The following HS6ST3 variants were observed in gnomAD, a reference collection of about 807,000 sequenced individuals.
The protein encoded by HS6ST3 is heparan-sulfate 6-O-sulfotransferase 3.
In HS6ST3, 12 loss-of-function variants were observed where a neutral mutation model predicts 36.7. The observed-to-expected ratio is 0.33, with a 90% CI of 0.21 to 0.53. The LOEUF is 0.53. Ranked by LOEUF, HS6ST3 falls within the 20% of genes least tolerant of loss-of-function variation. The probability of loss-of-function intolerance (pLI) is 0.95; values close to 1 mark genes in which losing one functional copy is unlikely to be tolerated. For synonymous variants in HS6ST3, 240 were observed against 257.5 expected (o/e 0.93, Z 0.65); for missense variants, 584 against 640.9 (o/e 0.91, Z 0.96).
intron 1 of HS6ST3, among the ~76,000 whole-genome samples, chr13:96,501,513 A>T (rs1399188284): frequency 1.3e-5 from 2 of 152,130 alleles, no homozygotes; most frequent in Non-Finnish European, 2.9e-5. Flanking sequence ...CTGTAAATGG[A>T]GATAATAGTA....
intron 1 of HS6ST3, among the ~76,000 whole-genome samples, chr13:96,519,051 T>A (rs2056083436): frequency 6.6e-6 from 1 of 152,224 alleles, no homozygotes; most frequent in Admixed American, 6.5e-5. Flanking sequence ...ATTTTACCAA[T>A]TTTTATTGGT....
chr13:96,591,681 C>T (rs1477701672), intron 1 of HS6ST3, among the ~76,000 whole-genome samples: 2 of 151,978 alleles, frequency 1.3e-5, no homozygotes, highest in African/African-American at 4.8e-5. Context: ...AACTGGATGC[C>T]CTTTATATCT....
chr13:96,583,775 C>G (rs1236621006), intron 1 of HS6ST3, among the ~76,000 whole-genome samples: 6 of 152,026 alleles, frequency 3.9e-5, no homozygotes, highest in African/African-American at 1.4e-4. Context: ...AGTCTTAACT[C>G]CAATGAGACC....
intron 1 of HS6ST3, among the ~76,000 whole-genome samples, chr13:96,165,179 G>T (rs1318275059): frequency 1.3e-5 from 2 of 152,090 alleles, no homozygotes; most frequent in Non-Finnish European, 2.9e-5. Context: ...TATTTTAGGG[G>T]GAATGTGAGC....
chr13:96,382,159 C>A (rs2055344757), intron 1 of HS6ST3, among the ~76,000 whole-genome samples: 1 of 152,120 alleles, frequency 6.6e-6, no homozygotes, highest in African/African-American at 2.4e-5. Flanking sequence ...TGCTAGAGGA[C>A]CTTGTCAATG....
chr13:96,367,218 A>G (rs545472510), intron 1 of HS6ST3, among the ~76,000 whole-genome samples: 1 of 152,366 alleles, frequency 6.6e-6, no homozygotes, highest in South Asian at 2.1e-4. Context: ...GTAAACGGAA[A>G]GCTGATATAA....
intron 1 of HS6ST3, among the ~76,000 whole-genome samples, chr13:96,288,991 C>G (rs2054816911): frequency 6.6e-6 from 1 of 151,864 alleles, no homozygotes; most frequent in Admixed American, 6.6e-5. Flanking sequence ...AATATTCAAG[C>G]TTTCTTTATA....
intron 1 of HS6ST3, among the ~76,000 whole-genome samples, chr13:96,798,409 T>C (rs533302273): frequency 2.0e-5 from 3 of 152,208 alleles, no homozygotes; most frequent in South Asian, 2.1e-4. Context: ...CCAGCTCCCA[T>C]CTTGAAGCTA....
chr13:96,521,958 G>T (rs982604930), intron 1 of HS6ST3, among the ~76,000 whole-genome samples: 4 of 151,998 alleles, frequency 2.6e-5, no homozygotes, highest in Non-Finnish European at 5.9e-5. Flanking sequence ...GTCGATTTTC[G>T]ATCTCTCCTG....
chr13:96,318,292 GAGGCTGAGGCA>G (rs1213314944), intron 1 of HS6ST3, among the ~76,000 whole-genome samples: 1 of 152,186 alleles, frequency 6.6e-6, no homozygotes, highest in Non-Finnish European at 1.5e-5. Context: ...AGCACTTTGG[GAGGCTGAGGCA>G]GGTGGATCAC....
At chr13:96,593,179 T>TC (rs2056389382) in intron 1 of HS6ST3, among the ~76,000 whole-genome samples, 1 of 87,302 alleles carries the variant, frequency 1.1e-5, no homozygotes, top group African/African-American at 4.8e-5. Flanking sequence ...TCTTTCTTTT[T>TC]TTTTTTTTTT....
chr13:96,133,842 TG>T (rs1483554073), intron 1 of HS6ST3, among the ~76,000 whole-genome samples: 5 of 55,696 alleles, frequency 9.0e-5, no homozygotes, highest in African/African-American at 1.7e-4. Context: ...TGAGCTTTTA[TG>T]TTTTTTTTTT....
intron 1 of HS6ST3, among the ~76,000 whole-genome samples, chr13:96,510,709 T>A (rs886117152): frequency 6.6e-6 from 1 of 151,696 alleles, no homozygotes; most frequent in African/African-American, 2.4e-5. Context: ...TTTAAAAAAA[T>A]TATTATTAAC....
chr13:96,269,516 A>G (rs1321818576), intron 1 of HS6ST3, among the ~76,000 whole-genome samples: 1 of 151,968 alleles, frequency 6.6e-6, no homozygotes, highest in Non-Finnish European at 1.5e-5. Context: ...CTTTCCATGA[A>G]ACGTGCACTT....
chr13:96,482,373 T>G (rs925224705), intron 1 of HS6ST3, among the ~76,000 whole-genome samples: 4 of 152,196 alleles, frequency 2.6e-5, no homozygotes, highest in African/African-American at 9.6e-5. Flanking sequence ...ATCTGCCTCC[T>G]TGAAACCAAA....
rs1247913476 is a variant in HS6ST3, at chr13:96,471,863, T to C, written c.708-360627T>C. 2.6e-5 allele frequency among the ~76,000 whole-genome samples: 4 copies of C among 152,330 alleles called. No individual in the cohort carries two copies. In the East Asian group the frequency reaches 7.7e-4, roughly 29 times the overall value. ...CAATACTCCAGATCTCAGGGACTTA[T>C]AACAACATGCATCTATTTTTCTTGT... On this transcript the variant is annotated intron_variant, in intron 1 of 1. Transcript: ENST00000376705.
intron 1 of HS6ST3, among the ~76,000 whole-genome samples, chr13:96,459,540 G>A (rs1277637897): frequency 6.6e-6 from 1 of 152,110 alleles, no homozygotes; most frequent in Non-Finnish European, 1.5e-5. Flanking sequence ...CTGCTATCGG[G>A]GTAGGCACGC....
chr13:96,679,995 G>A (rs369477443), intron 1 of HS6ST3, among the ~76,000 whole-genome samples: 34 of 152,182 alleles, frequency 2.2e-4, no homozygotes, highest in African/African-American at 7.9e-4. Flanking sequence ...CGTGGGGAAG[G>A]AAGGCAAAGG....
intron 1 of HS6ST3, among the ~76,000 whole-genome samples, chr13:96,243,981 T>C (rs980171498): frequency 4.6e-5 from 7 of 151,694 alleles, no homozygotes; most frequent in Non-Finnish European, 8.8e-5. Context: ...CTGGGAGCAG[T>C]GGACTTCAAG....
Sources: gnomAD v4.1 joint callset for allele counts (sites outside exome capture counted in the v4.1 genomes callset) on GRCh38, gnomAD v4.1.1 for gene constraint, MANE v1.5 for transcripts, NCBI Gene and HGNC (gene_info 2026-07-23, HGNC 2026-07-21) for gene names.